The following PCDHGC3 variants were observed in gnomAD, a reference collection of about 807,000 sequenced individuals.
PCDHGC3 encodes protocadherin gamma subfamily C, 3.
PCDHGC3 carries 26 observed loss-of-function variants against 59.2 expected under a neutral mutation model. That is an observed-to-expected ratio of 0.44 (90% CI 0.32 to 0.61). The LOEUF (loss-of-function observed/expected upper bound fraction) is 0.61. PCDHGC3 is among the 20% of genes least tolerant of loss of function. The pLI, the probability that PCDHGC3 is intolerant of heterozygous loss-of-function variation, is 0.05. For missense variants in PCDHGC3, 1,080 were observed against 1,221.8 expected (o/e 0.88, Z 1.73); for synonymous variants, 487 against 519.7 (o/e 0.94, Z 0.86).
chr5:141,478,051 G>A lies in PCDHGC3; in HGVS notation c.1935G>A (p.Thr645=), dbSNP rs751371411. Reference sequence around the variant, plus strand: ...CAGATTCACCCAGGCAGACTCTCACGGTCTTGATCAAAGACAATGGGGAGC... The same window carrying A: ...CAGATTCACCCAGGCAGACTCTCACAGTCTTGATCAAAGACAATGGGGAGC... ...QDTDSPRQTL[T]VLIKDNGEPS... is the part of the protein sequence containing the mutation. Residue 645 remains threonine, a synonymous_variant, in exon 1 of 4, where the codon ACG becomes ACA. Transcript: ENST00000308177. 2 of 1,614,088 alleles carry A rather than the reference G, an allele frequency of 1.2e-6. No homozygotes were observed. The highest frequency in any genetic ancestry group is 2.2e-5 in the East Asian group (1 of 44,880).
At position 141,476,001 on chromosome 5, in the gene PCDHGC3, C is replaced by G; in HGVS notation, c.-116C>G. The G allele has an allele frequency of 8.1e-7, 1 of 1,235,348 alleles. No homozygotes were observed. Among genetic ancestry groups the G allele is most frequent in the Non-Finnish European group, 1.1e-6 (1 of 894,008 alleles). 76.5% of individuals were successfully genotyped at this position (1,235,348 alleles called of 1,614,324 possible). On this transcript the variant is annotated 5_prime_UTR_variant, in exon 1 of 4. It adds an upstream start codon to the 5' untranslated region. Transcript: ENST00000308177. The surrounding 1 kb of genome is among the most constrained non-coding windows in gnomAD (Gnocchi z 7.6). ...CAGCCGGCGAGCAAATCAACGGCATCCAGAAAGCCATGTCGGACTCGGCGC... is the reference window on the plus strand; with the variant it reads ...CAGCCGGCGAGCAAATCAACGGCATGCAGAAAGCCATGTCGGACTCGGCGC...
Position 141,505,463 on chromosome 5 carries a change from A to G in PCDHGC3, c.2560A>G (p.Ile854Val). 1 of 1,614,184 alleles carries G rather than the reference A, an allele frequency of 6.2e-7. No homozygotes were observed. Among genetic ancestry groups the G allele is most frequent in the East Asian group, 2.2e-5 (1 of 44,876 alleles). Residue 854 changes from isoleucine to valine, a missense_variant, in exon 3 of 4, where the codon ATC (isoleucine) becomes GTC (valine). Ile to Val is a conservative substitution (Grantham distance 29). Transcript: ENST00000308177. Reference protein sequence around the residue: ...QFDTEMLQAMILASASEAADG... With the variant: ...QFDTEMLQAMVLASASEAADG... ...TGACACAGAGATGCTGCAAGCCATG[A>G]TCTTGGCGTCCGCCAGTGGTAAGTG...
Position 141,490,800 on chromosome 5 carries a change from TACCTTTG to T in PCDHGC3, c.2431-4004_2431-3998del, listed in dbSNP as rs763340907. Reference sequence around the variant, plus strand: ...AGGATGGACGGATCTTTGCCCAGCGTACCTTTGACTATGAATTGCTGCAGATGCTGCA... The same window carrying T: ...AGGATGGACGGATCTTTGCCCAGCGTACTATGAATTGCTGCAGATGCTGCA... On this transcript the variant is annotated intron_variant, in intron 1 of 3. Transcript: ENST00000308177. The surrounding 1 kb of genome is among the most constrained non-coding windows in gnomAD (Gnocchi z 5.4). 2.5e-6 allele frequency: 4 copies of T among 1,613,968 alleles called. No homozygotes were observed. The highest frequency in any genetic ancestry group is 1.7e-6 in the Non-Finnish European group (2 of 1,179,894).
At chr5:141,510,682 G>C (rs1014890367) in intron 3 of PCDHGC3, among the ~76,000 whole-genome samples, 2 of 152,154 alleles carry the variant, frequency 1.3e-5, no homozygotes, top group Non-Finnish European at 2.9e-5. Context: ...GTGGCATAAG[G>C]AGGTTAGGTA....
chr5:141,488,450 C>T (rs2154581002), intron 1 of PCDHGC3, among the ~76,000 whole-genome samples: 1 of 152,314 alleles, frequency 6.6e-6, no homozygotes, highest in East Asian at 1.9e-4. Context: ...TCCTGGGTGA[C>T]CTGATTCAGC....
chr5:141,491,312 C>T lies in PCDHGC3; in HGVS notation c.2431-3495C>T, dbSNP rs749198887. The stretch of plus-strand genomic sequence containing the variant: ...CACCCTCCTGAGCGTTCAGACCTTA[C>T]CCTTTACCTCATTGTGGCTCTAGCG... On this transcript the variant is annotated intron_variant, in intron 1 of 3. Transcript: ENST00000308177. The surrounding 1 kb of genome is among the most constrained non-coding windows in gnomAD (Gnocchi z 6.9). 3 of 1,614,170 alleles carry T rather than the reference C, an allele frequency of 1.9e-6. No individual in the cohort carries two copies. Among genetic ancestry groups the T allele is most frequent in the East Asian group, 4.5e-5 (2 of 44,878 alleles).
At position 141,484,465 on chromosome 5, in the gene PCDHGC3, A is replaced by G. The variant is rs2099596840; in HGVS notation, c.2430+5919A>G. On this transcript the variant is annotated intron_variant, in intron 1 of 3. Coordinates refer to ENST00000308177, the MANE Select transcript of PCDHGC3 (RefSeq NM_002588.4). ...ATTTAATTGGCTACGTTAATGTGTA[A>G]GCCTTTTCTGCAAAGAGATGGATCC... is the stretch of plus-strand genomic sequence containing the variant. Among the ~76,000 whole-genome samples, 4 of 152,236 alleles carry G rather than the reference A, an allele frequency of 2.6e-5. No individual in the cohort carries two copies. In the South Asian group the frequency reaches 6.2e-4, roughly 24 times the overall value.
In PCDHGC3 at chr5:141,491,807, G is replaced by A; in HGVS notation, c.2431-3000G>A. On this transcript the variant is annotated intron_variant, in intron 1 of 3. Transcript: ENST00000308177. The surrounding 1 kb of genome is among the most constrained non-coding windows in gnomAD (Gnocchi z 6.9). ...CATCCACTCCTCTCCGGCCGGCTTG[G>A]TCGCTGGCTGCGCTCCACCCGATTC... is the stretch of plus-strand genomic sequence containing the variant. 1 of 1,491,112 alleles carries A rather than the reference G, an allele frequency of 6.7e-7. No homozygotes were observed. The highest frequency in any genetic ancestry group is 1.4e-5 in the South Asian group (1 of 73,752). The allele number at this position is 1,491,112 out of a possible 1,614,324, so 92.4% of individuals were successfully genotyped here. A position where few individuals can be genotyped will look rare whatever the true frequency, so the allele number is the denominator to read the frequency against.
intron 2 of PCDHGC3, among the ~76,000 whole-genome samples, chr5:141,500,216 ATTT>A (rs979396489): frequency 3.1e-4 from 46 of 149,244 alleles, no homozygotes; most frequent in Non-Finnish European, 6.7e-4. Context: ...TTATTTATTT[ATTT>A]ATTTATTGAT....
rs2099884060 is a variant in PCDHGC3 at position 141,512,057 on chromosome 5, A to T, written c.*884A>T. 1 of 152,768 alleles carries T rather than the reference A, an allele frequency of 6.5e-6. No individual in the cohort carries two copies. Among genetic ancestry groups the T allele is most frequent in the South Asian group, 2.1e-4 (1 of 4,832 alleles). 9.5% of individuals were successfully genotyped at this position (152,768 alleles called of 1,614,324 possible). ...GGCTCTGTATGTCCTCAGGGGACTG[A>T]CAACATCCTCCAGATTCCAGCCATA... is the stretch of plus-strand genomic sequence containing the variant. On this transcript the variant is annotated 3_prime_UTR_variant, in exon 4 of 4. Coordinates refer to ENST00000308177, the MANE Select transcript of PCDHGC3 (RefSeq NM_002588.4).
intron 3 of PCDHGC3, among the ~76,000 whole-genome samples, chr5:141,510,553 A>G (rs1471878583): frequency 6.6e-6 from 1 of 152,162 alleles, no homozygotes; most frequent in Non-Finnish European, 1.5e-5. Context: ...TGTTTTGAGC[A>G]CTTACATCTA....
intron 3 of PCDHGC3, among the ~76,000 whole-genome samples, chr5:141,510,354 G>A (rs1311482557): frequency 2.1e-5 from 3 of 146,300 alleles, no homozygotes; most frequent in Non-Finnish European, 4.5e-5. Flanking sequence ...ACTTACTAAC[G>A]GAACTACCGA....
intron 1 of PCDHGC3, among the ~76,000 whole-genome samples, chr5:141,492,421 C>G (rs986772215): frequency 5.9e-5 from 9 of 152,250 alleles, no homozygotes; most frequent in African/African-American, 1.9e-4. Context: ...CTCCCTCCGC[C>G]GGGCTCAGGA....
In PCDHGC3 at chr5:141,511,286, G is replaced by A. The variant is rs1231704933; in HGVS notation, c.*113G>A. On this transcript the variant is annotated 3_prime_UTR_variant, in exon 4 of 4. Coordinates refer to ENST00000308177, the MANE Select transcript of PCDHGC3 (RefSeq NM_002588.4). The stretch of plus-strand genomic sequence containing the variant: ...GGCTAACCCCCAGAATACTGGTAGG[G>A]GCCAAGGCCATGCTCCCCTTGGGAA... 2 of 1,520,242 alleles carry A rather than the reference G, an allele frequency of 1.3e-6. No individual in the cohort carries two copies. The allele number at this position is 1,520,242 out of a possible 1,614,324, so 94.2% of individuals were successfully genotyped here.
intron 2 of PCDHGC3, among the ~76,000 whole-genome samples, chr5:141,502,857 ACT>A (rs1332453483): frequency 7.7e-5 from 7 of 91,446 alleles, no homozygotes; most frequent in African/African-American, 4.1e-4. Flanking sequence ...CCTAACCCTG[ACT>A]CTCTGTCTTT....
rs2099710219 is a variant in PCDHGC3, at chr5:141,491,289, C to A, written c.2431-3518C>A. On this transcript the variant is annotated intron_variant, in intron 1 of 3. Transcript: ENST00000308177. The surrounding 1 kb of genome is among the most constrained non-coding windows in gnomAD (Gnocchi z 6.9). The stretch of plus-strand genomic sequence containing the variant: ...CCAAATCCAGTGACTTCCTCATACA[C>A]CCTCCTGAGCGTTCAGACCTTACCC... 1 of 1,614,112 alleles carries A rather than the reference C, an allele frequency of 6.2e-7. No homozygotes were observed. Among genetic ancestry groups the A allele is most frequent in the Non-Finnish European group, 8.5e-7 (1 of 1,179,942 alleles).
rs2099692694 is a variant in PCDHGC3, at chr5:141,489,817, GAGCTGGTGCTAGAGCAGC to G, written c.2431-4983_2431-4966del. On this transcript the variant is annotated intron_variant, in intron 1 of 3. Transcript: ENST00000308177. This position sits in a 1 kb window ranked among gnomAD's most constrained non-coding sequence, Gnocchi z 4.5. ...CCTAAAAGATGGGAAGCCATTCCCA[GAGCTGGTGCTAGAGCAGC>G]AGCTGGATCGTGAAGCCCAGGCAAG... 6 of 1,613,992 alleles carry G rather than the reference GAGCTGGTGCTAGAGCAGC, an allele frequency of 3.7e-6. No individual in the cohort carries two copies. Among genetic ancestry groups the G allele is most frequent in the Non-Finnish European group, 5.1e-6 (6 of 1,179,944 alleles).
chr5:141,477,315 C>G lies in PCDHGC3; in HGVS notation c.1199C>G (p.Thr400Ser). 2 of 1,614,188 alleles carry G rather than the reference C, an allele frequency of 1.2e-6. No individual in the cohort carries two copies. Among genetic ancestry groups the G allele is most frequent in the African/African-American group, 2.7e-5 (2 of 75,042 alleles). The change falls in exon 1 of 4, where the codon ACT becomes AGT. Residue 400 changes from threonine to serine, a missense_variant. Physicochemically the swap from Thr to Ser is moderately conservative, Grantham distance 58 (BLOSUM62 1). Coordinates refer to ENST00000308177, the MANE Select transcript of PCDHGC3 (RefSeq NM_002588.4). The surrounding 1 kb of genome is among the most constrained non-coding windows in gnomAD (Gnocchi z 4.9). ...EVPPGLPFSL[T>S]SSLKNYFTLK... ...CCACCGGGTCTCCCTTTCAGCCTTA[C>G]TTCTTCCCTCAAGAATTACTTCACT...
chr5:141,479,269 A>C (rs1279389471), intron 1 of PCDHGC3: 1 of 152,374 alleles, frequency 6.6e-6, no homozygotes, highest in Non-Finnish European at 1.5e-5. Context: ...TAAAAGTAAT[A>C]ATTTATTTCA....
Sources: gnomAD v4.1 joint callset for allele counts (sites outside exome capture counted in the v4.1 genomes callset) on GRCh38, gnomAD v4.1.1 for gene constraint, Gnocchi (gnomAD v3.1) non-coding constraint, MANE v1.5 for transcripts, NCBI Gene and HGNC (gene_info 2026-07-23, HGNC 2026-07-21) for gene names.